MRTFB: variants seen among roughly 807,000 people sequenced by gnomAD.
MRTFB encodes the protein myocardin-related transcription factor B.
In MRTFB, 29 loss-of-function variants were observed where a neutral mutation model predicts 104.2. That is an observed-to-expected ratio of 0.28 (90% CI 0.21 to 0.38). The LOEUF is 0.38. Ranked by LOEUF, MRTFB falls within the 10% of genes least tolerant of loss-of-function variation. The pLI is 1.00. For synonymous variants in MRTFB, 535 were observed against 519.5 expected (o/e 1.03, Z -0.41); for missense variants, 1,270 against 1,341.6 (o/e 0.95, Z 0.83).
intron 3 of MRTFB, among the ~76,000 whole-genome samples, chr16:14,184,137 A>C (rs1353665309): frequency 1.3e-5 from 2 of 150,780 alleles, no homozygotes; most frequent in Non-Finnish European, 3.0e-5. Flanking sequence ...CAAAGTAATT[A>C]AGCATGTAGG....
chr16:14,137,035 G>A (rs1567368519), intron 2 of MRTFB, among the ~76,000 whole-genome samples: 2 of 152,056 alleles, frequency 1.3e-5, no homozygotes, highest in African/African-American at 4.8e-5. Context: ...TTTTACTTTT[G>A]TAACTAAATT....
the MRTFB span, among the ~76,000 whole-genome samples, chr16:14,045,767 C>T: frequency 1.3e-5 from 2 of 152,166 alleles, no homozygotes; most frequent in Non-Finnish European, 2.9e-5. Flanking sequence ...TGAAATAGTA[C>T]CTCTGTGTCC....
intron 3 of MRTFB, among the ~76,000 whole-genome samples, chr16:14,168,539 G>A (rs1381441285): frequency 1.3e-5 from 2 of 152,138 alleles, no homozygotes; most frequent in Non-Finnish European, 2.9e-5. Flanking sequence ...GCATGTTTTT[G>A]AGATTCATTA....
At chr16:14,189,354 C>T (rs1312514018) in intron 3 of MRTFB, among the ~76,000 whole-genome samples, 2 of 152,188 alleles carry the variant, frequency 1.3e-5, no homozygotes, top group Non-Finnish European at 2.9e-5. Flanking sequence ...TTGGGACAAG[C>T]TCCTGGTTAC....
At chr16:14,165,997 A>G (rs1044703346) in intron 3 of MRTFB, among the ~76,000 whole-genome samples, 2 of 152,194 alleles carry the variant, frequency 1.3e-5, no homozygotes, top group Admixed American at 6.5e-5. Context: ...CTCCTTCCCC[A>G]TAGTTGAAAG....
intron 7 of MRTFB, 88 bp downstream of exon 7, chr16:14,217,375 G>A (rs1273182655): frequency 1.2e-5 from 13 of 1,096,780 alleles, no homozygotes; most frequent in Admixed American, 4.9e-5. Context: ...GGCTAGCACC[G>A]ATCGTGAGTA....
In MRTFB at chr16:14,221,889, C is replaced by G. The variant is rs1418552583; in HGVS notation, c.693+2891C>G. Among the ~76,000 whole-genome samples, 4 of 147,550 alleles carry G rather than the reference C, an allele frequency of 2.7e-5. No individual in the cohort carries two copies. The East Asian group carries it at 8.2e-4, about 30-fold the overall frequency. On this transcript the variant is annotated intron_variant, in intron 8 of 16. Transcript: ENST00000571589. ...CTCTGCCTCCCGGGTTCAAGCGATT[C>G]TCCCGCTTCAGCCTCCCAAGTAGCT...
chr16:14,155,250 A>G (rs1047211392), intron 3 of MRTFB, among the ~76,000 whole-genome samples: 1 of 152,044 alleles, frequency 6.6e-6, no homozygotes, highest in East Asian at 1.9e-4. Flanking sequence ...CATATCTAAT[A>G]TGCTGTTAAT....
chr16:14,236,181 A>AC (rs2042497792), intron 9 of MRTFB, among the ~76,000 whole-genome samples: 1 of 152,224 alleles, frequency 6.6e-6, no homozygotes, highest in Non-Finnish European at 1.5e-5. Context: ...ACAGAGTGAG[A>AC]CCCTGCCTCA....
intron 3 of MRTFB, among the ~76,000 whole-genome samples, chr16:14,194,975 ATTTCT>A (rs1339169500): frequency 6.6e-6 from 1 of 152,072 alleles, no homozygotes; most frequent in Non-Finnish European, 1.5e-5. Context: ...AGTAAAACCA[ATTTCT>A]AGGCTATTGA....
intron 3 of MRTFB, among the ~76,000 whole-genome samples, chr16:14,145,070 T>A (rs2038239727): frequency 6.6e-6 from 1 of 150,884 alleles, no homozygotes; most frequent in Admixed American, 6.6e-5. Flanking sequence ...ATCTAAGTTT[T>A]TGACAGTTAT....
chr16:14,163,929 A>G (rs1443194508), intron 3 of MRTFB, among the ~76,000 whole-genome samples: 1 of 152,020 alleles, frequency 6.6e-6, no homozygotes, highest in East Asian at 1.9e-4. Context: ...TTTTTGATAC[A>G]TAATACTTGT....
intron 16 of MRTFB, among the ~76,000 whole-genome samples, chr16:14,258,644 C>G (rs1372574460): frequency 1.3e-5 from 2 of 152,142 alleles, no homozygotes; most frequent in Non-Finnish European, 2.9e-5. Flanking sequence ...ATTTAAATTC[C>G]ATGTTGAATA....
At chr16:13,994,892 A>C in the MRTFB span, among the ~76,000 whole-genome samples, 1 of 152,172 alleles carries the variant, frequency 6.6e-6, no homozygotes, top group Non-Finnish European at 1.5e-5. Context: ...CTGGTTCTGG[A>C]AGGGATTCTG....
the MRTFB span, among the ~76,000 whole-genome samples, chr16:14,034,713 A>C: frequency 6.6e-6 from 1 of 151,554 alleles, no homozygotes; most frequent in Non-Finnish European, 1.5e-5. Context: ...CCTCCAAAAC[A>C]CCAGTATTAT....
the MRTFB span, among the ~76,000 whole-genome samples, chr16:14,064,729 T>C: frequency 4.6e-5 from 7 of 152,208 alleles, no homozygotes; most frequent in Non-Finnish European, 7.3e-5. Context: ...CTTTCCCCAT[T>C]GCTTGTTTTG....
In MRTFB at chr16:14,240,431, G is replaced by C. The variant is rs2042714504; in HGVS notation, c.1026G>C (p.Leu342=). 6.2e-7 allele frequency: 1 copy of C among 1,614,240 alleles called. No homozygotes were observed. ...QQQLFLQLQI[L]SQQKQHYNYQ... is the part of the protein sequence containing the mutation. Reference sequence around the variant, plus strand: ...AGCTGTTCCTGCAACTGCAGATCCTGAGTCAGCAGAAGCAGCACTACAACT... The same window carrying C: ...AGCTGTTCCTGCAACTGCAGATCCTCAGTCAGCAGAAGCAGCACTACAACT... The change falls in exon 10 of 17, where the codon CTG becomes CTC. Residue 342 remains leucine (L), a synonymous_variant. Transcript: ENST00000571589.
Position 14,191,666 on chromosome 16 carries a change from GAATATAAT to G in MRTFB, c.155-18573_155-18566del, listed in dbSNP as rs772180485. On this transcript the variant is annotated intron_variant, in intron 3 of 16. Coordinates refer to ENST00000571589, the MANE Select transcript of MRTFB (RefSeq NM_001308142.2). The stretch of plus-strand genomic sequence containing the variant: ...ATACCCTTCTCTGCCTTCTTAAACA[GAATATAAT>G]AATTGGAATTATCACCTTCAGATAT... Among the ~76,000 whole-genome samples the G allele has an allele frequency of 5.3e-5, 8 of 151,894 alleles. No individual in the cohort carries two copies. The South Asian group carries it at 6.2e-4, about 12-fold the overall frequency.
At chr16:13,996,352 T>C in the MRTFB span, among the ~76,000 whole-genome samples, 1 of 152,008 alleles carries the variant, frequency 6.6e-6, no homozygotes, top group African/African-American at 2.4e-5. Context: ...TGTCCATTCA[T>C]TCATTTCTGT....
Sources: allele counts gnomAD v4.1 joint callset (sites outside exome capture counted in the v4.1 genomes callset), GRCh38; gene constraint gnomAD v4.1.1; transcripts MANE v1.5; gene names NCBI Gene and HGNC (gene_info 2026-07-23, HGNC 2026-07-21).